Variants in KHDRBS3 observed in about 807,000 individuals in gnomAD.
KHDRBS3 encodes the protein KH RNA binding domain containing, signal transduction associated 3, also known as KH domain-containing, RNA-binding, signal transduction-associated protein 3.
KHDRBS3 carries 23 observed loss-of-function variants against 45.6 expected under a neutral mutation model. The ratio of observed to expected loss-of-function variants is 0.50; its 90% confidence interval spans 0.36 to 0.72. KHDRBS3 has a LOEUF of 0.72. Among genes scored for constraint, KHDRBS3 ranks in the 30% least tolerant of loss-of-function variants. KHDRBS3 has a pLI of 0.00. For missense variants in KHDRBS3, 352 were observed against 424.8 expected (o/e 0.83, Z 1.51); for synonymous variants, 162 against 156.5 (o/e 1.04, Z -0.26).
At chr8:135,541,034 C>T (rs1367533139) in intron 2 of KHDRBS3, 1 of 152,098 alleles carries the variant, frequency 6.6e-6, no homozygotes, top group Non-Finnish European at 1.5e-5. Flanking sequence ...TTAATTGTTT[C>T]CACAAAGTGT....
chr8:135,648,778 C>G (rs913936516), downstream of KHDRBS3, among the ~76,000 whole-genome samples: 13 of 151,946 alleles, frequency 8.6e-5, no homozygotes, highest in African/African-American at 3.1e-4. Flanking sequence ...CAGGTCAGAC[C>G]CAGGAAGCTT....
intron 7 of KHDRBS3, among the ~76,000 whole-genome samples, chr8:135,615,491 G>A (rs1274508605): frequency 1.3e-5 from 2 of 152,048 alleles, no homozygotes; most frequent in Admixed American, 1.3e-4. Context: ...CACTCTTAAT[G>A]ACATTATTGA....
At chr8:135,550,924 A>G (rs1026359276) in intron 4 of KHDRBS3, among the ~76,000 whole-genome samples, 2 of 152,160 alleles carry the variant, frequency 1.3e-5, no homozygotes, top group Non-Finnish European at 1.5e-5. Flanking sequence ...TATAGTGTTC[A>G]GGGTGTCAGC....
chr8:135,606,872 A>G, intron 6 of KHDRBS3, 83 bp from the exon 7 acceptor site: 4 of 1,021,854 alleles, frequency 3.9e-6, no homozygotes, highest in Non-Finnish European at 6.0e-6. Flanking sequence ...AGCTGAATTA[A>G]TGGAAATTCA....
chr8:135,597,986 A>T (rs988469838), intron 6 of KHDRBS3, among the ~76,000 whole-genome samples: 1 of 152,164 alleles, frequency 6.6e-6, no homozygotes, highest in Non-Finnish European at 1.5e-5. Flanking sequence ...ATTCTACCTC[A>T]GTTGGATATG....
chr8:135,469,599 G>A (rs1821906064), intron 1 of KHDRBS3, among the ~76,000 whole-genome samples: 1 of 148,866 alleles, frequency 6.7e-6, no homozygotes, highest in Non-Finnish European at 1.5e-5. Context: ...CGCGGTCTTG[G>A]CTCACTGAAA....
chr8:135,576,290 A>G (rs1012836563), intron 5 of KHDRBS3, among the ~76,000 whole-genome samples: 2 of 152,184 alleles, frequency 1.3e-5, no homozygotes, highest in Admixed American at 6.5e-5. Context: ...GGAAGTCACT[A>G]TGGGGAACCC....
chr8:135,645,926 G>C (rs989344829), intron 8 of KHDRBS3, among the ~76,000 whole-genome samples: 5 of 151,066 alleles, frequency 3.3e-5, no homozygotes, highest in African/African-American at 1.2e-4. Flanking sequence ...CCATTTTCCG[G>C]CGTTAAACCT....
chr8:135,498,764 A>G (rs182753425), intron 1 of KHDRBS3, among the ~76,000 whole-genome samples: 14 of 152,324 alleles, frequency 9.2e-5, no homozygotes, highest in Admixed American at 2.0e-4. Context: ...GTCATCTAAA[A>G]TACGTTAAAT....
intron 1 of KHDRBS3, among the ~76,000 whole-genome samples, chr8:135,481,429 C>T (rs143595922): frequency 7.2e-4 from 102 of 141,224 alleles, no homozygotes; most frequent in African/African-American, 2.3e-3. Flanking sequence ...TCTTAGAGCA[C>T]GCTGCATACC....
Position 135,487,159 on chromosome 8 carries a change from G to A in KHDRBS3, c.88+29205G>A, listed in dbSNP as rs560272003. The stretch of plus-strand genomic sequence containing the variant: ...GTATTTAACATTACATGTAACACAC[G>A]CTTCTTATGTTTGCTAGGCTGTAGT... On this transcript the variant is annotated intron_variant, in intron 1 of 8. Transcript: ENST00000355849. Among the ~76,000 whole-genome samples, 11 of 152,122 alleles carry A rather than the reference G, an allele frequency of 7.2e-5. No individual in the cohort carries two copies. The South Asian group carries it at 1.9e-3, about 26-fold the overall frequency.
intron 6 of KHDRBS3, among the ~76,000 whole-genome samples, chr8:135,600,741 A>T (rs1241763750): frequency 6.6e-6 from 1 of 152,224 alleles, no homozygotes; most frequent in African/African-American, 2.4e-5. Flanking sequence ...ACTGGAATGC[A>T]GTGGCCTGGT....
At chr8:135,574,357 C>T (rs1419411566) in intron 5 of KHDRBS3, among the ~76,000 whole-genome samples, 1 of 152,118 alleles carries the variant, frequency 6.6e-6, no homozygotes, top group African/African-American at 2.4e-5. Flanking sequence ...TTCAAAATAT[C>T]TTTTATAGAT....
chr8:135,543,804 G>T (rs184767700), intron 3 of KHDRBS3, among the ~76,000 whole-genome samples: 2 of 152,214 alleles, frequency 1.3e-5, no homozygotes, highest in African/African-American at 4.8e-5. Flanking sequence ...ATGGTTTTCT[G>T]ACAACAGCAC....
chr8:135,467,730 G>A (rs1315231756), intron 1 of KHDRBS3, among the ~76,000 whole-genome samples: 1 of 152,216 alleles, frequency 6.6e-6, no homozygotes, highest in East Asian at 1.9e-4. Flanking sequence ...TGTCGTTACT[G>A]GTGAAAAGTT....
chr8:135,589,059 A>G (rs1317302109), intron 6 of KHDRBS3, among the ~76,000 whole-genome samples: 2 of 151,990 alleles, frequency 1.3e-5, no homozygotes, highest in African/African-American at 4.8e-5. Context: ...GCTCATCTAC[A>G]TTGCCGTTGG....
Position 135,557,585 on chromosome 8 carries a change from C to A in KHDRBS3, c.609C>A (p.Thr203=), listed in dbSNP as rs1303212506. 1 of 1,609,088 alleles carries A rather than the reference C, an allele frequency of 6.2e-7. No individual in the cohort carries two copies. The highest frequency in any genetic ancestry group is 8.5e-7 in the Non-Finnish European group (1 of 1,177,766). Residue 203 remains threonine (T), a splice_region_variant and synonymous_variant, in exon 5 of 9, where the codon ACC becomes ACA. Transcript: ENST00000355849. ...RTRGVPAPAI[T]RGRGGVTARP... is the part of the protein sequence containing the mutation. The stretch of plus-strand genomic sequence containing the variant: ...GAGGTGTACCAGCCCCAGCAATAAC[C>A]AGGTAGGTGTAAATTTTTTTTTAGG...
intron 2 of KHDRBS3, among the ~76,000 whole-genome samples, chr8:135,527,619 G>A (rs1466742492): frequency 6.6e-6 from 1 of 152,242 alleles, no homozygotes; most frequent in East Asian, 1.9e-4. Context: ...TATTTCAGGA[G>A]AGGGAATGCC....
chr8:135,634,753 T>A (rs924590490), intron 7 of KHDRBS3, among the ~76,000 whole-genome samples: 1 of 152,222 alleles, frequency 6.6e-6, no homozygotes, highest in Non-Finnish European at 1.5e-5. Context: ...CATGGTGTTA[T>A]GTGAGATCTG....
Sources: gnomAD v4.1 joint callset for allele counts (sites outside exome capture counted in the v4.1 genomes callset) on GRCh38, gnomAD v4.1.1 for gene constraint, MANE v1.5 for transcripts, NCBI Gene and HGNC (gene_info 2026-07-23, HGNC 2026-07-21) for gene names.